The following LRRC28 variants were observed in gnomAD, a reference collection of about 807,000 sequenced individuals.
The protein encoded by LRRC28 is leucine rich repeat containing 28, also known as leucine-rich repeat-containing protein 28.
In LRRC28, 39 loss-of-function variants were observed where a neutral mutation model predicts 45.7. The observed-to-expected ratio is 0.85, with a 90% CI of 0.66 to 1.12. The LOEUF is 1.12. LRRC28 is among the 50% of genes most tolerant of loss of function. The probability of loss-of-function intolerance (pLI) is 0.00; values close to 1 mark genes in which losing one functional copy is unlikely to be tolerated. For synonymous variants in LRRC28, 206 were observed against 178.8 expected (o/e 1.15, Z -1.22); for missense variants, 435 against 438.5 (o/e 0.99, Z 0.07).
chr15:99,335,013 TAATC>T (rs1956278371), intron 6 of LRRC28, among the ~76,000 whole-genome samples: 1 of 151,916 alleles, frequency 6.6e-6, no homozygotes, highest in Admixed American at 6.6e-5. Flanking sequence ...ATGGAAGTAA[TAATC>T]AAATTTGAGG....
intron 9 of LRRC28, among the ~76,000 whole-genome samples, chr15:99,384,010 C>T (rs1252304203): frequency 2.0e-5 from 3 of 152,184 alleles, no homozygotes; most frequent in Non-Finnish European, 2.9e-5. Flanking sequence ...ACTTAGAATC[C>T]GTTTCCATGC....
chr15:99,258,395 C>G lies in LRRC28; in HGVS notation c.168+2270C>G, dbSNP rs879235281. The stretch of plus-strand genomic sequence containing the variant: ...CTTAAAAGAAAAAGCATTTGATTAC[C>G]TTGCATTGGATACAATTAAAAATCT... On this transcript the variant is annotated intron_variant, in intron 2 of 9. Coordinates refer to ENST00000301981, the MANE Select transcript of LRRC28 (RefSeq NM_144598.5). 1.4e-5 allele frequency: 14 copies of G among 1,008,544 alleles called. No homozygotes were observed. The South Asian group carries it at 1.8e-4, about 13-fold the overall frequency. 62.5% of individuals were successfully genotyped at this position (1,008,544 alleles called of 1,614,324 possible). A position where few individuals can be genotyped will look rare whatever the true frequency, so the allele number is the denominator to read the frequency against.
chr15:99,297,105 C>G (rs1240437649), intron 5 of LRRC28, among the ~76,000 whole-genome samples: 1 of 147,732 alleles, frequency 6.8e-6, no homozygotes, highest in Non-Finnish European at 1.5e-5. Context: ...CGCCTGAACC[C>G]GGGAGGCAGA....
chr15:99,289,889 C>T (rs113512913), intron 5 of LRRC28, among the ~76,000 whole-genome samples: 10,713 of 139,062 alleles, frequency 0.077, 452 homozygotes, highest in African/African-American at 0.11. Flanking sequence ...GCCGAGATTG[C>T]GCCACTGCAG....
intron 2 of LRRC28, among the ~76,000 whole-genome samples, chr15:99,264,299 A>G (rs1463135569): frequency 1.3e-5 from 2 of 152,248 alleles, no homozygotes; most frequent in East Asian, 1.9e-4. Flanking sequence ...CTAGAAAGCT[A>G]ACCTATTTCT....
chr15:99,278,976 A>G (rs2081701133), intron 3 of LRRC28, among the ~76,000 whole-genome samples: 1 of 152,206 alleles, frequency 6.6e-6, no homozygotes, highest in African/African-American at 2.4e-5. Flanking sequence ...TTTCCTTGCC[A>G]TTTGGCCTTT....
At chr15:99,259,295 A>G (rs2081120963) in intron 2 of LRRC28, 11 of 1,141,418 alleles carry the variant, frequency 9.6e-6, no homozygotes, top group South Asian at 3.7e-5. Context: ...ACTTCTGAAA[A>G]GGGGCTATGA....
intron 9 of LRRC28, among the ~76,000 whole-genome samples, chr15:99,369,965 C>T (rs1957438469): frequency 6.6e-6 from 1 of 152,144 alleles, no homozygotes; most frequent in Non-Finnish European, 1.5e-5. Flanking sequence ...AACCAGTAGT[C>T]CTGGGGATAA....
At chr15:99,373,327 A>AAGG (rs1721016307) in intron 9 of LRRC28, among the ~76,000 whole-genome samples, 1 of 151,982 alleles carries the variant, frequency 6.6e-6, no homozygotes, top group African/African-American at 2.4e-5. Context: ...TAGCATAAAA[A>AAGG]TTATTGGAAC....
chr15:99,347,892 A>G (rs990071668), intron 6 of LRRC28, among the ~76,000 whole-genome samples: 1 of 152,216 alleles, frequency 6.6e-6, no homozygotes, highest in African/African-American at 2.4e-5. Context: ...CTACAGTCCT[A>G]CCAACACATA....
chr15:99,287,754 TA>T, intron 4 of LRRC28, 59 bp from the exon 5 acceptor site: 1 of 1,506,768 alleles, frequency 6.6e-7, no homozygotes. Context: ...ATACTTGCTT[TA>T]AAGATTTGAT....
rs1037744170 is a variant in LRRC28 at position 99,387,156 on chromosome 15, G to C, written c.*1054G>C. The C allele has an allele frequency of 6.7e-6, 1 of 149,610 alleles. No homozygotes were observed. Among genetic ancestry groups the C allele is most frequent in the Non-Finnish European group, 1.5e-5 (1 of 67,222 alleles). 9.3% of individuals were successfully genotyped at this position (149,610 alleles called of 1,614,324 possible). On this transcript the variant is annotated 3_prime_UTR_variant, in exon 10 of 10. Coordinates refer to ENST00000301981, the MANE Select transcript of LRRC28 (RefSeq NM_144598.5). ...GCTCACTGCAAGCTCCGCCTCCCGGGTTCACGCCATTCTCCTGCCTCAGCC... is the reference window on the plus strand; with the variant it reads ...GCTCACTGCAAGCTCCGCCTCCCGGCTTCACGCCATTCTCCTGCCTCAGCC...
At chr15:99,334,202 A>C (rs1458462234) in intron 6 of LRRC28, 73 bp downstream of exon 6, 1 of 1,526,496 alleles carries the variant, frequency 6.6e-7, no homozygotes, top group Non-Finnish European at 9.1e-7. Flanking sequence ...ACTAGAACCA[A>C]TTAGTTAGTT....
At chr15:99,328,137 G>C (rs1468155100) in intron 5 of LRRC28, among the ~76,000 whole-genome samples, 2 of 152,138 alleles carry the variant, frequency 1.3e-5, no homozygotes, top group Non-Finnish European at 2.9e-5. Context: ...GTCTGTCCTG[G>C]AGAATATACC....
At chr15:99,290,320 A>AT (rs930443413) in intron 5 of LRRC28, among the ~76,000 whole-genome samples, 10 of 152,012 alleles carry the variant, frequency 6.6e-5, no homozygotes, top group Non-Finnish European at 1.3e-4. Flanking sequence ...TTTAAAAAAT[A>AT]TTTTTTTATT....
chr15:99,387,135 A>T lies in LRRC28; in HGVS notation c.*1033A>T, dbSNP rs533914009. The T allele has an allele frequency of 5.3e-5, 8 of 150,358 alleles. No individual in the cohort carries two copies. The highest frequency in any genetic ancestry group is 2.2e-4 in the South Asian group (1 of 4,618). 9.3% of individuals were successfully genotyped at this position (150,358 alleles called of 1,614,324 possible). Reference sequence around the variant, plus strand: ...GAGTGCAGTGGCGGGATCTCGGCTCACTGCAAGCTCCGCCTCCCGGGTTCA... The same window carrying T: ...GAGTGCAGTGGCGGGATCTCGGCTCTCTGCAAGCTCCGCCTCCCGGGTTCA... On this transcript the variant is annotated 3_prime_UTR_variant, in exon 10 of 10. Coordinates refer to ENST00000301981, the MANE Select transcript of LRRC28 (RefSeq NM_144598.5).
At chr15:99,293,637 A>G (rs12910952) in intron 5 of LRRC28, among the ~76,000 whole-genome samples, 10,239 of 136,940 alleles carry the variant, frequency 0.075, 773 homozygotes, top group East Asian at 0.29. Flanking sequence ...AAAAAAACCT[A>G]AACAATATTT....
chr15:99,322,344 A>C (rs1180953282), intron 5 of LRRC28, among the ~76,000 whole-genome samples: 1 of 152,120 alleles, frequency 6.6e-6, no homozygotes, highest in Non-Finnish European at 1.5e-5. Context: ...AGAAGCAAGA[A>C]GACCAATGGG....
intron 5 of LRRC28, among the ~76,000 whole-genome samples, chr15:99,329,651 C>G (rs1360036126): frequency 6.6e-6 from 1 of 152,168 alleles, no homozygotes; most frequent in Non-Finnish European, 1.5e-5. Context: ...GAAGAGATGT[C>G]CATTTTGTAC....
Sources: gnomAD v4.1 joint callset for allele counts (sites outside exome capture counted in the v4.1 genomes callset) on GRCh38, gnomAD v4.1.1 for gene constraint, MANE v1.5 for transcripts, NCBI Gene and HGNC (gene_info 2026-07-23, HGNC 2026-07-21) for gene names.